GMPR: variants seen among roughly 807,000 people sequenced by gnomAD.
GMPR encodes guanosine monophosphate reductase.
A neutral mutation model predicts 38.4 loss-of-function variants in GMPR; 31 were observed. The observed-to-expected ratio is 0.81, with a 90% CI of 0.61 to 1.09. GMPR has a LOEUF of 1.09. Ranked by LOEUF, GMPR falls within the 50% of genes least tolerant of loss-of-function variation. The pLI is 0.00. For missense variants in GMPR, 468 were observed against 453.7 expected (o/e 1.03, Z -0.29); for synonymous variants, 162 against 173.3 (o/e 0.93, Z 0.51).
rs529094206 is a variant in GMPR at position 16,249,976 on chromosome 6, G to T, written c.208-308G>T. On this transcript the variant is annotated intron_variant, in intron 2 of 8. Coordinates refer to ENST00000259727, the MANE Select transcript of GMPR (RefSeq NM_006877.4). ...TGCTTTTGGCCTAATACAGGTGTGG[G>T]TGGGAGCCTGGGTGGGCTGGGTAGG... Among the ~76,000 whole-genome samples the T allele has an allele frequency of 7.2e-5, 11 of 152,206 alleles. No homozygotes were observed. The South Asian group carries it at 2.3e-3, about 32-fold the overall frequency.
At chr6:16,267,447 G>A (rs753230964) in intron 4 of GMPR, among the ~76,000 whole-genome samples, 2 of 151,900 alleles carry the variant, frequency 1.3e-5, no homozygotes, top group Admixed American at 6.6e-5. Flanking sequence ...CGAACCGTCC[G>A]GGAGGAATGA....
intron 6 of GMPR, among the ~76,000 whole-genome samples, chr6:16,279,264 G>C (rs950678312): frequency 2.6e-5 from 4 of 152,194 alleles, no homozygotes; most frequent in Admixed American, 1.3e-4. Context: ...AGGGTGTTGG[G>C]GGGGGCATGC....
At chr6:16,248,333 C>T (rs753000913) in intron 2 of GMPR, among the ~76,000 whole-genome samples, 2 of 150,332 alleles carry the variant, frequency 1.3e-5, no homozygotes, top group Non-Finnish European at 3.0e-5. Flanking sequence ...ATGGTGTCCT[C>T]GCTTTGGGAA....
At chr6:16,292,622 T>C (rs73362663) in intron 8 of GMPR, among the ~76,000 whole-genome samples, 3 of 152,136 alleles carry the variant, frequency 2.0e-5, no homozygotes, top group African/African-American at 7.2e-5. Context: ...TACCAGCAAC[T>C]GTTGTCATCA....
Position 16,246,902 on chromosome 6 carries a change from A to G in GMPR, c.148A>G (p.Ile50Val), listed in dbSNP as rs768164091. The G allele has an allele frequency of 1.9e-6, 3 of 1,613,706 alleles. No individual in the cohort carries two copies. Among genetic ancestry groups the G allele is most frequent in the Admixed American group, 3.3e-5 (2 of 60,020 alleles). ...AAAGCAGACCTACTCAGGGATTCCC[A>G]TCATCGTGGCCAACATGGACACTGT... ...NSKQTYSGIP[I>V]IVANMDTVGT... Residue 50 changes from isoleucine to valine, a missense_variant, in exon 2 of 9, where the codon ATC (isoleucine) becomes GTC (valine). Transcript: ENST00000259727.
intron 4 of GMPR, among the ~76,000 whole-genome samples, chr6:16,266,868 G>C (rs187884150): frequency 1.3e-5 from 2 of 151,544 alleles, no homozygotes; most frequent in East Asian, 2.0e-4. Flanking sequence ...GCGAGACCAC[G>C]AACCGTCCGG....
intron 4 of GMPR, among the ~76,000 whole-genome samples, chr6:16,261,406 G>A (rs1387325526): frequency 6.6e-6 from 1 of 151,818 alleles, no homozygotes; most frequent in East Asian, 1.9e-4. Context: ...CGGGTGTCAG[G>A]GTCAGTCCAA....
At chr6:16,260,943 C>G (rs1483308777) in intron 4 of GMPR, among the ~76,000 whole-genome samples, 16 of 151,620 alleles carry the variant, frequency 1.1e-4, no homozygotes, top group African/African-American at 3.9e-4. Context: ...CTGAAGGAGC[C>G]GGGGAGCAGA....
chr6:16,260,519 T>C (rs1759063206), intron 4 of GMPR, among the ~76,000 whole-genome samples: 1 of 151,892 alleles, frequency 6.6e-6, no homozygotes, highest in South Asian at 2.1e-4. Context: ...CAGTCCTGGG[T>C]GGGGGCAAAT....
At chr6:16,279,362 G>A (rs1266786467) in intron 6 of GMPR, among the ~76,000 whole-genome samples, 2 of 152,194 alleles carry the variant, frequency 1.3e-5, no homozygotes, top group African/African-American at 4.8e-5. Flanking sequence ...CTCTGTGTGT[G>A]TGTCTCTGTG....
chr6:16,288,258 G>A (rs1335020480), intron 7 of GMPR, among the ~76,000 whole-genome samples: 1 of 152,276 alleles, frequency 6.6e-6, no homozygotes, highest in African/African-American at 2.4e-5. Flanking sequence ...TGTGGAGGGA[G>A]AGGCGCGAGT....
At chr6:16,288,946 C>T (rs1382936502) in intron 7 of GMPR, among the ~76,000 whole-genome samples, 2 of 152,180 alleles carry the variant, frequency 1.3e-5, no homozygotes, top group Admixed American at 1.3e-4. Context: ...CAATCAGCGC[C>T]CTGACAAAAC....
intron 7 of GMPR, chr6:16,289,458 C>T (rs1759784900): frequency 1.3e-5 from 2 of 152,342 alleles, no homozygotes; most frequent in East Asian, 1.9e-4. Flanking sequence ...GTGCTGTGCA[C>T]TTTGGATCAA....
chr6:16,267,623 G>C (rs1397218608), intron 4 of GMPR, among the ~76,000 whole-genome samples: 1 of 152,094 alleles, frequency 6.6e-6, no homozygotes, highest in African/African-American at 2.4e-5. Flanking sequence ...TTTAAGAATT[G>C]TAACACTCAC....
In GMPR at chr6:16,262,329, G is replaced by A. The variant is rs539684502; in HGVS notation, c.465+7594G>A. The A allele has an allele frequency of 3.3e-5, 5 of 152,174 alleles. No homozygotes were observed. The South Asian group carries it at 1.0e-3, about 32-fold the overall frequency. 9.4% of individuals were successfully genotyped at this position (152,174 alleles called of 1,614,324 possible). On this transcript the variant is annotated intron_variant, in intron 4 of 8. Transcript: ENST00000259727. ...TGGGCCAGAATTCCAGGGGCGCTGG[G>A]AGTGGCTGCCAGGTGAGTTAGACAG...
chr6:16,255,015 CT>C (rs779608663), intron 4 of GMPR, among the ~76,000 whole-genome samples: 152 of 143,822 alleles, frequency 1.1e-3, no homozygotes, highest in Middle Eastern at 7.2e-3. Flanking sequence ...GATACTTTTT[CT>C]TTTTTTTTTT....
intron 1 of GMPR, among the ~76,000 whole-genome samples, chr6:16,246,293 A>T (rs1758754311): frequency 6.6e-6 from 1 of 152,226 alleles, no homozygotes; most frequent in African/African-American, 2.4e-5. Flanking sequence ...TGCAAGTCAA[A>T]GGAACAAGTG....
chr6:16,291,576 G>T (rs1759841559), intron 8 of GMPR, among the ~76,000 whole-genome samples: 1 of 152,000 alleles, frequency 6.6e-6, no homozygotes. Context: ...GTCTTTTCCT[G>T]ATTCCCTTCC....
intron 5 of GMPR, among the ~76,000 whole-genome samples, chr6:16,277,081 C>G (rs529229023): frequency 6.6e-6 from 1 of 152,240 alleles, no homozygotes; most frequent in Non-Finnish European, 1.5e-5. Context: ...GAGGCTGAAC[C>G]GGGGGTTAAA....
Sources: gnomAD v4.1 joint callset for allele counts (sites outside exome capture counted in the v4.1 genomes callset) on GRCh38, gnomAD v4.1.1 for gene constraint, MANE v1.5 for transcripts, NCBI Gene and HGNC (gene_info 2026-07-23, HGNC 2026-07-21) for gene names.